The following CELF2 variants were observed in gnomAD, a reference collection of about 807,000 sequenced individuals.
CELF2 encodes CUG triplet repeat RNA-binding protein 2.
In CELF2, 8 loss-of-function variants were observed where a neutral mutation model predicts 62.6. That is an observed-to-expected ratio of 0.13 (90% CI 0.07 to 0.23). The LOEUF (loss-of-function observed/expected upper bound fraction) is 0.23, where lower values mean the gene tolerates loss of function less well. Among genes scored for constraint, CELF2 ranks in the 10% least tolerant of loss-of-function variants. The probability of loss-of-function intolerance (pLI) is 1.00; values close to 1 mark genes in which losing one functional copy is unlikely to be tolerated. For synonymous variants in CELF2, 258 were observed against 250.0 expected (o/e 1.03, Z -0.30); for missense variants, 333 against 671.0 (o/e 0.50, Z 5.56).
intron 1 of CELF2, among the ~76,000 whole-genome samples, chr10:10,904,754 T>C (rs1275332713): frequency 6.6e-6 from 1 of 152,194 alleles, no homozygotes; most frequent in Non-Finnish European, 1.5e-5. Context: ...AAATACAGTT[T>C]TACCCCATAC....
chr10:11,285,075 C>T lies in CELF2; in HGVS notation c.842-3343C>T, dbSNP rs968813472. 3.3e-5 allele frequency among the ~76,000 whole-genome samples: 4 copies of T among 120,606 alleles called. No individual in the cohort carries two copies. Among genetic ancestry groups the T allele is most frequent in the Admixed American group, 1.7e-4 (2 of 11,780 alleles). The allele number at this position is 120,606 out of a possible 152,430, so 79.1% of individuals were successfully genotyped here. A position where few individuals can be genotyped will look rare whatever the true frequency, so the allele number is the denominator to read the frequency against. On this transcript the variant is annotated intron_variant, in intron 8 of 12. Transcript: ENST00000633077. This position sits in a 1 kb window ranked among gnomAD's most constrained non-coding sequence, Gnocchi z 4.3. ...ATGGATGGATAGTTGGGTGGTTACG[C>T]GGAATGATGGATGGATGGATGGGTG... is the stretch of plus-strand genomic sequence containing the variant.
intron 1 of CELF2, among the ~76,000 whole-genome samples, chr10:10,909,908 A>G (rs1464128190): frequency 2.0e-5 from 3 of 150,550 alleles, no homozygotes; most frequent in Non-Finnish European, 2.9e-5. Context: ...GCATGTAGAG[A>G]TGGACACACA....
At chr10:10,882,822 C>T (rs1261453168) in intron 1 of CELF2, among the ~76,000 whole-genome samples, 1 of 152,096 alleles carries the variant, frequency 6.6e-6, no homozygotes, top group Non-Finnish European at 1.5e-5. Context: ...AAATCAAGTT[C>T]TGGGTGCACT....
Position 11,306,486 on chromosome 10 carries a change from G to A in CELF2, c.977-7653G>A, listed in dbSNP as rs78968643. Among the ~76,000 whole-genome samples the A allele has an allele frequency of 3.9e-5, 6 of 152,112 alleles. No homozygotes were observed. Among genetic ancestry groups the A allele is most frequent in the East Asian group, 3.9e-4 (2 of 5,158 alleles). Reference sequence around the variant, plus strand: ...TTTCTCAATTGTGCATCTGCTGAACGGTCAGTCTTTAGGTACTTGATCAAG... The same window carrying A: ...TTTCTCAATTGTGCATCTGCTGAACAGTCAGTCTTTAGGTACTTGATCAAG... On this transcript the variant is annotated intron_variant, in intron 9 of 12. Transcript: ENST00000633077. This position sits in a 1 kb window ranked among gnomAD's most constrained non-coding sequence, Gnocchi z 4.4.
rs1171588341 is a variant in CELF2 at position 11,243,827 on chromosome 10, A to T, written c.355-5326A>T. 6.6e-6 allele frequency among the ~76,000 whole-genome samples: 1 copy of T among 152,352 alleles called. No individual in the cohort carries two copies. The highest frequency in any genetic ancestry group is 2.4e-5 in the African/African-American group (1 of 41,582). On this transcript the variant is annotated intron_variant, in intron 3 of 12. Transcript: ENST00000633077. The surrounding 1 kb of genome is among the most constrained non-coding windows in gnomAD (Gnocchi z 4.1). ...AACTTCCCATTCTGTGTGGCTGGAGATGCAGCCTCAGTTTAATTAGCACAC... is the reference window on the plus strand; with the variant it reads ...AACTTCCCATTCTGTGTGGCTGGAGTTGCAGCCTCAGTTTAATTAGCACAC...
At chr10:10,471,196 A>G in the CELF2 span, among the ~76,000 whole-genome samples, 1 of 151,804 alleles carries the variant, frequency 6.6e-6, no homozygotes, top group Admixed American at 6.6e-5. Flanking sequence ...GATGTACATA[A>G]AAAGAATGAG....
chr10:11,044,030 A>T (rs1049718465), intron 1 of CELF2, among the ~76,000 whole-genome samples: 2 of 151,742 alleles, frequency 1.3e-5, no homozygotes, highest in African/African-American at 4.8e-5. Flanking sequence ...TCTGCCCTGA[A>T]CCCTCTTCCC....
At chr10:11,031,271 A>G (rs1371243375) in intron 1 of CELF2, among the ~76,000 whole-genome samples, 3 of 152,184 alleles carry the variant, frequency 2.0e-5, no homozygotes, top group African/African-American at 4.8e-5. Flanking sequence ...TAAGTAGGCA[A>G]TAGAATAAAT....
chr10:11,042,202 T>G (rs1458531667), intron 1 of CELF2, among the ~76,000 whole-genome samples: 7 of 152,256 alleles, frequency 4.6e-5, no homozygotes, highest in African/African-American at 1.7e-4. Context: ...CTTTCAAATT[T>G]GTTATTATTC....
At chr10:10,930,373 C>G (rs1165432560) in intron 2 of CELF2, among the ~76,000 whole-genome samples, 1 of 152,030 alleles carries the variant, frequency 6.6e-6, no homozygotes, top group Non-Finnish European at 1.5e-5. Flanking sequence ...TAATTTTTTT[C>G]CTTTTAGATT....
At chr10:10,771,348 A>G in the CELF2 span, among the ~76,000 whole-genome samples, 3 of 152,166 alleles carry the variant, frequency 2.0e-5, no homozygotes, top group East Asian at 1.9e-4. Context: ...TACTGGTGCC[A>G]TCTTCCCAGA....
At chr10:11,035,662 C>T (rs967344117) in intron 1 of CELF2, among the ~76,000 whole-genome samples, 1 of 152,150 alleles carries the variant, frequency 6.6e-6, no homozygotes, top group Non-Finnish European at 1.5e-5. Flanking sequence ...TTTCTCCTAC[C>T]GTGCTGGAAT....
At chr10:11,135,211 T>C (rs1248303437) in intron 1 of CELF2, among the ~76,000 whole-genome samples, 2 of 152,252 alleles carry the variant, frequency 1.3e-5, no homozygotes, top group African/African-American at 4.8e-5. Context: ...CTCTCTTAAC[T>C]TAAAATACTG....
the CELF2 span, among the ~76,000 whole-genome samples, chr10:10,568,299 A>G: frequency 0.24 from 37,046 of 151,580 alleles, 4,736 homozygotes; most frequent in South Asian, 0.42. Flanking sequence ...GAAGGGGAGG[A>G]TGAGTCCGGA....
At chr10:10,808,390 T>C (rs1261064613) in intron 1 of CELF2, among the ~76,000 whole-genome samples, 3 of 152,228 alleles carry the variant, frequency 2.0e-5, no homozygotes, top group Non-Finnish European at 4.4e-5. Flanking sequence ...GTAAATTCAA[T>C]GATTTTAACA....
rs545181375 is a variant in CELF2, at chr10:11,310,370, A to G, written c.977-3769A>G. ...AGCTTCAGAGGAGGGGATTTGTACC[A>G]GGGAAGGGAGCAGGTTGTGGGTTGT... On this transcript the variant is annotated intron_variant, in intron 9 of 12. Coordinates refer to ENST00000633077, the MANE Select transcript of CELF2 (RefSeq NM_001326342.2). Among the ~76,000 whole-genome samples, 5 of 152,318 alleles carry G rather than the reference A, an allele frequency of 3.3e-5. No individual in the cohort carries two copies. The East Asian group carries it at 9.6e-4, about 29-fold the overall frequency.
chr10:10,930,298 A>G (rs1221420418), intron 2 of CELF2, among the ~76,000 whole-genome samples: 1 of 152,196 alleles, frequency 6.6e-6, no homozygotes, highest in Non-Finnish European at 1.5e-5. Flanking sequence ...AGATTTTGAT[A>G]CCCTATTTGG....
intron 1 of CELF2, among the ~76,000 whole-genome samples, chr10:11,060,692 G>T (rs2066500746): frequency 6.6e-6 from 1 of 152,070 alleles, no homozygotes; most frequent in Admixed American, 6.5e-5. Context: ...GTCTGAAATT[G>T]TCGGTGCCAT....
chr10:10,543,897 C>T, the CELF2 span, among the ~76,000 whole-genome samples: 2 of 152,204 alleles, frequency 1.3e-5, no homozygotes, highest in Non-Finnish European at 2.9e-5. Context: ...GCTAAGCATG[C>T]AGTGAGTCTT....
Sources: gnomAD v4.1 joint callset for allele counts (sites outside exome capture counted in the v4.1 genomes callset) on GRCh38, gnomAD v4.1.1 for gene constraint, Gnocchi (gnomAD v3.1) non-coding constraint, MANE v1.5 for transcripts, NCBI Gene and HGNC (gene_info 2026-07-23, HGNC 2026-07-21) for gene names.